Variants in PARD3B observed in about 807,000 individuals in gnomAD.
The protein encoded by PARD3B is partitioning defective 3 homolog B.
In PARD3B, 103 loss-of-function variants were observed where a neutral mutation model predicts 130.2. The observed-to-expected ratio is 0.79, with a 90% CI of 0.67 to 0.93. The LOEUF is 0.93. Ranked by LOEUF, PARD3B falls within the 40% of genes least tolerant of loss-of-function variation. The pLI, the probability that PARD3B is intolerant of heterozygous loss-of-function variation, is 0.00. For synonymous variants in PARD3B, 583 were observed against 553.2 expected, an observed-to-expected ratio of 1.05 and a Z score of -0.76; for missense variants, 1,609 against 1,499.2, an observed-to-expected ratio of 1.07 and a Z score of -1.21.
chr2:204,917,139 G>T (rs542874389), intron 2 of PARD3B, among the ~76,000 whole-genome samples: 1 of 152,286 alleles, frequency 6.6e-6, no homozygotes, highest in Admixed American at 6.5e-5. Context: ...TAATCATCAG[G>T]GAAGATTCTA....
chr2:205,544,447 G>C (rs1474109724), intron 21 of PARD3B, among the ~76,000 whole-genome samples: 2 of 152,060 alleles, frequency 1.3e-5, no homozygotes, highest in Non-Finnish European at 2.9e-5. Context: ...ACGCACACGT[G>C]CACATACACA....
chr2:205,399,479 T>G (rs62171546), intron 18 of PARD3B, among the ~76,000 whole-genome samples: 4 of 150,822 alleles, frequency 2.7e-5, no homozygotes, highest in African/African-American at 7.3e-5. Flanking sequence ...CTCAGCCTTC[T>G]GAGTAACTGG....
At chr2:205,445,907 G>A (rs1322108078) in intron 20 of PARD3B, among the ~76,000 whole-genome samples, 2 of 152,162 alleles carry the variant, frequency 1.3e-5, no homozygotes, top group Non-Finnish European at 2.9e-5. Context: ...TCCACTAAGG[G>A]TCAGGGCCTG....
In PARD3B at chr2:205,550,976, TACACACAC is replaced by T. The variant is rs201422555; in HGVS notation, c.3181-2328_3181-2321del. 3.9e-3 allele frequency among the ~76,000 whole-genome samples: 491 copies of T among 125,504 alleles called. 18 individuals carry two copies. Among genetic ancestry groups the T allele is most frequent in the African/African-American group, 0.013 (415 of 32,266 alleles). The allele number at this position is 125,504 out of a possible 152,430, so 82.3% of individuals were successfully genotyped here. A position where few individuals can be genotyped will look rare whatever the true frequency, so the allele number is the denominator to read the frequency against. ...ATGTGTATATATATATATATATATA[TACACACAC>T]ACACACACACACACACACATAATCT... On this transcript the variant is annotated intron_variant, in intron 21 of 22. Coordinates refer to ENST00000406610, the MANE Select transcript of PARD3B (RefSeq NM_001302769.2). This position sits in a 1 kb window ranked among gnomAD's most constrained non-coding sequence, Gnocchi z 4.5.
chr2:205,127,652 C>T (rs2031592935), intron 10 of PARD3B, among the ~76,000 whole-genome samples: 1 of 152,182 alleles, frequency 6.6e-6, no homozygotes, highest in Non-Finnish European at 1.5e-5. Context: ...CCCTTTCCTT[C>T]TCTTTCCCAT....
intron 15 of PARD3B, among the ~76,000 whole-genome samples, chr2:205,209,869 A>G (rs1484808232): frequency 6.6e-6 from 1 of 152,082 alleles, no homozygotes; most frequent in African/African-American, 2.4e-5. Context: ...ATAGTCAATA[A>G]TGATTTAATT....
At chr2:204,659,483 G>A (rs1027091971) in intron 1 of PARD3B, among the ~76,000 whole-genome samples, 1 of 152,154 alleles carries the variant, frequency 6.6e-6, no homozygotes, top group Non-Finnish European at 1.5e-5. Context: ...ATGGTGATAG[G>A]TGGCCAAGTG....
At chr2:204,893,690 T>C (rs2046532065) in intron 2 of PARD3B, among the ~76,000 whole-genome samples, 1 of 152,188 alleles carries the variant, frequency 6.6e-6, no homozygotes, top group Non-Finnish European at 1.5e-5. Context: ...ATGTTTTGTC[T>C]CATAGTAAGT....
At chr2:204,645,048 AT>A (rs1459100434) in intron 1 of PARD3B, among the ~76,000 whole-genome samples, 2 of 152,222 alleles carry the variant, frequency 1.3e-5, no homozygotes, top group African/African-American at 4.8e-5. Context: ...TTGTCTTTAG[AT>A]TCTTAAAAGG....
chr2:204,963,615 A>T (rs190268840), intron 2 of PARD3B, among the ~76,000 whole-genome samples: 63 of 152,304 alleles, frequency 4.1e-4, no homozygotes, highest in Middle Eastern at 3.4e-3. Flanking sequence ...CCACATTAAA[A>T]AGTTGATTTC....
chr2:204,840,123 A>T (rs2044206996), intron 2 of PARD3B, among the ~76,000 whole-genome samples: 1 of 152,184 alleles, frequency 6.6e-6, no homozygotes, highest in Non-Finnish European at 1.5e-5. Context: ...TAAGGTAGTT[A>T]ATGTAGCAGT....
chr2:204,548,388 T>C (rs1381470074), intron 1 of PARD3B, among the ~76,000 whole-genome samples: 1 of 152,210 alleles, frequency 6.6e-6, no homozygotes, highest in Admixed American at 6.5e-5. Flanking sequence ...TTCATGCTTA[T>C]GACTTATTTC....
intron 18 of PARD3B, among the ~76,000 whole-genome samples, chr2:205,380,667 AATATATAAAGAATAAACATATATACT>A (rs1332985355): frequency 8.4e-5 from 8 of 94,930 alleles, no homozygotes; most frequent in Non-Finnish European, 1.4e-4. Flanking sequence ...TATTATATAT[AATATATAAAGAATAAACATATATACT>A]ATATATAAAG....
At chr2:204,609,065 T>C (rs891400496) in intron 1 of PARD3B, among the ~76,000 whole-genome samples, 1 of 152,220 alleles carries the variant, frequency 6.6e-6, no homozygotes, top group African/African-American at 2.4e-5. Context: ...TTCAGACTTT[T>C]GTTTTTAAAG....
In PARD3B at chr2:205,575,405, TTA is replaced by T. The variant is rs1381668111; in HGVS notation, c.3260+22003_3260+22004del. 6.6e-6 allele frequency among the ~76,000 whole-genome samples: 1 copy of T among 152,036 alleles called. No individual in the cohort carries two copies. Among genetic ancestry groups the T allele is most frequent in the Non-Finnish European group, 1.5e-5 (1 of 68,012 alleles). On this transcript the variant is annotated intron_variant, in intron 22 of 22. Coordinates refer to ENST00000406610, the MANE Select transcript of PARD3B (RefSeq NM_001302769.2). This position sits in a 1 kb window ranked among gnomAD's most constrained non-coding sequence, Gnocchi z 4.6. The stretch of plus-strand genomic sequence containing the variant: ...AATCACCCAAAGCCCATAGTTTACA[TTA>T]GCGCTCTCTCGGTGTTGTTCATTCT...
rs536684939 is a variant in PARD3B, at chr2:205,390,150, A to C, written c.2631-10863A>C. ...ATTTTTCTTCTTTTGTATTTATACAATAAATGCTTGACAAAAAAAAAAAGC... is the reference window on the plus strand; with the variant it reads ...ATTTTTCTTCTTTTGTATTTATACACTAAATGCTTGACAAAAAAAAAAAGC... On this transcript the variant is annotated intron_variant, in intron 18 of 22. Coordinates refer to ENST00000406610, the MANE Select transcript of PARD3B (RefSeq NM_001302769.2). 2.3e-4 allele frequency among the ~76,000 whole-genome samples: 35 copies of C among 151,498 alleles called. 2 individuals are homozygous for C. The East Asian group carries it at 6.8e-3, about 29-fold the overall frequency.
At chr2:205,542,508 A>G (rs1372709233) in intron 21 of PARD3B, among the ~76,000 whole-genome samples, 1 of 152,098 alleles carries the variant, frequency 6.6e-6, no homozygotes, top group African/African-American at 2.4e-5. Context: ...TCATCTTCCT[A>G]GAACTTGAAC....
At chr2:205,410,241 G>A (rs1276168011) in intron 19 of PARD3B, among the ~76,000 whole-genome samples, 1 of 152,100 alleles carries the variant, frequency 6.6e-6, no homozygotes, top group African/African-American at 2.4e-5. Flanking sequence ...TTCAGATTTT[G>A]GATTTTCAGA....
At chr2:205,289,150 T>C (rs181737267) in intron 16 of PARD3B, among the ~76,000 whole-genome samples, 1 of 152,172 alleles carries the variant, frequency 6.6e-6, no homozygotes, top group African/African-American at 2.4e-5. Flanking sequence ...ACAAGTTTAT[T>C]TGGGCTACTA....
Sources: allele counts gnomAD v4.1 joint callset (sites outside exome capture counted in the v4.1 genomes callset), GRCh38; gene constraint gnomAD v4.1.1; non-coding constraint Gnocchi (gnomAD v3.1); transcripts MANE v1.5; gene names NCBI Gene and HGNC (gene_info 2026-07-23, HGNC 2026-07-21).